Variants in ACAT2 observed in about 807,000 individuals in gnomAD.
ACAT2 encodes acetyl-CoA acetyltransferase, cytosolic.
ACAT2 carries 26 observed loss-of-function variants against 37.1 expected under a neutral mutation model. The ratio of observed to expected loss-of-function variants is 0.70; its 90% CI spans 0.51 to 0.97. The LOEUF (loss-of-function observed/expected upper bound fraction) is 0.97, where lower values mean the gene tolerates loss of function less well. Ranked by LOEUF, ACAT2 falls within the 50% of genes least tolerant of loss-of-function variation. The pLI, the probability that ACAT2 is intolerant of heterozygous loss-of-function variation, is 0.00. For synonymous variants in ACAT2, 156 were observed against 163.6 expected, an observed-to-expected ratio of 0.95 and a Z score of 0.35; for missense variants, 468 against 489.0, an observed-to-expected ratio of 0.96 and a Z score of 0.40.
At chr6:159,767,510 G>A (rs1042902419) in intron 3 of ACAT2, among the ~76,000 whole-genome samples, 1 of 152,152 alleles carries the variant, frequency 6.6e-6, no homozygotes, top group Non-Finnish European at 1.5e-5. Context: ...CCCATTGTGA[G>A]TAAAAGGCAA....
rs776030298 is a variant in ACAT2, at chr6:159,776,219, A to G, written c.704A>G (p.Lys235Arg). 4.3e-6 allele frequency: 7 copies of G among 1,614,170 alleles called. No homozygotes were observed. The highest frequency in any genetic ancestry group is 5.9e-6 in the Non-Finnish European group (7 of 1,180,018). The stretch of plus-strand genomic sequence containing the variant: ...AACATAGAAGCCATGTCCAAGCTAA[A>G]GCCTTACTTTCTTACTGATGGAACG... ...GSNIEAMSKLKPYFLTDGTGT... is the reference protein window; with the variant it reads ...GSNIEAMSKLRPYFLTDGTGT... Residue 235 changes from lysine (K) to arginine (R), a missense_variant, in exon 6 of 9, where the codon AAG becomes AGG. Lys to Arg is a conservative substitution (Grantham distance 26, BLOSUM62 2). Transcript: ENST00000367048.
Position 159,778,203 on chromosome 6 carries a change from G to C in ACAT2, c.946G>C (p.Asp316His). Residue 316 changes from aspartate (D) to histidine (H), a missense_variant, in exon 8 of 9, where the codon GAC (aspartate) becomes CAC (histidine). Asp to His is a moderately conservative substitution (Grantham distance 81). Coordinates refer to ENST00000367048, the MANE Select transcript of ACAT2 (RefSeq NM_005891.3). Reference sequence around the variant, plus strand: ...AGCAGGTTGGTCACTGGAAGATGTTGACATATTTGAAATCAATGAAGCCTT... The same window carrying C: ...AGCAGGTTGGTCACTGGAAGATGTTCACATATTTGAAATCAATGAAGCCTT... ...TKAGWSLEDV[D>H]IFEINEAFAA... 1 of 1,612,576 alleles carries C rather than the reference G, an allele frequency of 6.2e-7. No homozygotes were observed.
chr6:159,778,419 A>G (rs1410299416), intron 8 of ACAT2, 139 bp downstream of exon 8: 1 of 459,910 alleles, frequency 2.2e-6, no homozygotes, highest in Non-Finnish European at 3.5e-6. Flanking sequence ...TTACTTCCCA[A>G]GGTTTAAAAA....
intron 2 of ACAT2, among the ~76,000 whole-genome samples, chr6:159,764,060 C>A (rs1780213518): frequency 6.6e-6 from 1 of 151,912 alleles, no homozygotes; most frequent in Non-Finnish European, 1.5e-5. Flanking sequence ...GAGATTGTGC[C>A]ACTGCACTCC....
rs550322559 is a variant in ACAT2, at chr6:159,762,713, C to T, written c.56-206C>T. 1.1e-5 allele frequency: 17 copies of T among 1,527,196 alleles called. No individual in the cohort carries two copies. In the East Asian group the frequency reaches 4.0e-4, roughly 36 times the overall value. The allele number at this position is 1,527,196 out of a possible 1,614,324, so 94.6% of individuals were successfully genotyped here. On this transcript the variant is annotated intron_variant, in intron 1 of 8. Transcript: ENST00000367048. Reference sequence around the variant, plus strand: ...GGCGTCCCTAGGCCGTTCTGGAGGTCGCCTGTCCAGCCCTCGGCTGCTGCG... The same window carrying T: ...GGCGTCCCTAGGCCGTTCTGGAGGTTGCCTGTCCAGCCCTCGGCTGCTGCG...
intron 4 of ACAT2, among the ~76,000 whole-genome samples, chr6:159,769,098 T>C (rs1227648377): frequency 6.6e-6 from 1 of 152,258 alleles, no homozygotes; most frequent in East Asian, 1.9e-4. Context: ...ATAGACATTT[T>C]AGAGTTAAAG....
chr6:159,778,098 T>C (rs1583134313), intron 7 of ACAT2, 72 bp from the exon 8 acceptor site: 1 of 1,001,660 alleles, frequency 1.0e-6, no homozygotes, highest in Non-Finnish European at 1.5e-6. Flanking sequence ...TATATTTATG[T>C]TGACAAAGAA....
At position 159,762,397 on chromosome 6, in the gene ACAT2, G is replaced by A. The variant is rs1227367920; in HGVS notation, c.55+255G>A. On this transcript the variant is annotated intron_variant, in intron 1 of 8. Coordinates refer to ENST00000367048, the MANE Select transcript of ACAT2 (RefSeq NM_005891.3). The stretch of plus-strand genomic sequence containing the variant: ...TTGGCTCCCGGGGTAGAGCCATCGC[G>A]TGGCCTGCCTCTCCCATTGGTTGGC... The A allele has an allele frequency of 8.7e-6, 12 of 1,378,102 alleles. No individual in the cohort carries two copies. In the East Asian group the frequency reaches 3.3e-4, roughly 38 times the overall value. The allele number at this position is 1,378,102 out of a possible 1,614,324, so 85.4% of individuals were successfully genotyped here. A position where few individuals can be genotyped will look rare whatever the true frequency, so the allele number is the denominator to read the frequency against.
chr6:159,776,278 A>G lies in ACAT2; in HGVS notation c.757+6A>G, dbSNP rs1315236640. On this transcript the variant is annotated splice_donor_region_variant and intron_variant, in intron 6 of 8. Transcript: ENST00000367048. ...CACCCCAGCCAATGCTTCAGGTTAG[A>G]TTTTCTGAAGGACATCTGGGGGAAT... 1.2e-6 allele frequency: 2 copies of G among 1,613,340 alleles called. No individual in the cohort carries two copies. The highest frequency in any genetic ancestry group is 1.7e-4 in the Middle Eastern group (1 of 6,056).
intron 7 of ACAT2, among the ~76,000 whole-genome samples, chr6:159,777,785 A>T (rs1042717297): frequency 3.3e-4 from 50 of 152,208 alleles, no homozygotes; most frequent in African/African-American, 1.2e-3. Flanking sequence ...AGTTCAATTG[A>T]TCCTCTTGCC....
chr6:159,763,132 ACACT>A (rs1780183888), intron 2 of ACAT2, 79 bp downstream of exon 2: 3 of 1,503,966 alleles, frequency 2.0e-6, no homozygotes, highest in Non-Finnish European at 1.8e-6. Context: ...ACACTCTCAC[ACACT>A]CACACACTCT....
In ACAT2 at chr6:159,763,629, C is replaced by CTTTTTTTTT. The variant is rs765044833; in HGVS notation, c.190+596_190+604dup. 1.1e-3 allele frequency among the ~76,000 whole-genome samples: 85 copies of CTTTTTTTTT among 76,410 alleles called. 11 individuals carry two copies. Among genetic ancestry groups the CTTTTTTTTT allele is most frequent in the African/African-American group, 3.5e-3 (62 of 17,890 alleles). 50.1% of individuals were successfully genotyped at this position (76,410 alleles called of 152,430 possible). On this transcript the variant is annotated intron_variant, in intron 2 of 8. Transcript: ENST00000367048. ...ACCACCTACACTGCCTTTTCTTTTC[C>CTTTTTTTTT]TTTTTTTTTTTTTTTTTTTTTTTTT...
Position 159,778,197 on chromosome 6 carries a change from G to A in ACAT2, c.940G>A (p.Asp314Asn), listed in dbSNP as rs369842432. The change falls in exon 8 of 9, where the codon GAT (aspartate) becomes AAT (asparagine). Residue 314 changes from aspartate (D) to asparagine (N), a missense_variant. Physicochemically the swap from Asp to Asn is conservative, Grantham distance 23 (BLOSUM62 1). Transcript: ENST00000367048. ...TACAAAAGCAGGTTGGTCACTGGAA[G>A]ATGTTGACATATTTGAAATCAATGA... ...AVTKAGWSLE[D>N]VDIFEINEAF... 1 of 1,612,622 alleles carries A rather than the reference G, an allele frequency of 6.2e-7. No homozygotes were observed.
chr6:159,767,694 T>C (rs1033863072), intron 3 of ACAT2, among the ~76,000 whole-genome samples: 3 of 152,160 alleles, frequency 2.0e-5, no homozygotes, highest in Non-Finnish European at 4.4e-5. Flanking sequence ...CAAACTGGCA[T>C]AGTGGTTGAA....
chr6:159,767,359 G>C (rs1329354188), intron 3 of ACAT2, among the ~76,000 whole-genome samples, 173 bp downstream of exon 3: 1 of 152,180 alleles, frequency 6.6e-6, no homozygotes, highest in Non-Finnish European at 1.5e-5. Context: ...AGTTTGGGTG[G>C]GAAATCCGGG....
chr6:159,777,865 C>T (rs771907017), intron 7 of ACAT2, among the ~76,000 whole-genome samples: 2 of 152,194 alleles, frequency 1.3e-5, no homozygotes, highest in Non-Finnish European at 2.9e-5. Context: ...ATTTGGATCA[C>T]ATGCTTTCTA....
chr6:159,771,910 C>A (rs1182996280), intron 4 of ACAT2, among the ~76,000 whole-genome samples: 1 of 151,756 alleles, frequency 6.6e-6, no homozygotes, highest in East Asian at 1.9e-4. Flanking sequence ...CATAGTGACA[C>A]AACAACAACA....
intron 1 of ACAT2, 85 bp from the exon 2 acceptor site, chr6:159,762,832 CAG>C: frequency 1.3e-6 from 2 of 1,597,112 alleles, no homozygotes; most frequent in Non-Finnish European, 1.7e-6. Context: ...CCTTGCCAAA[CAG>C]GGTCATGAGG....
chr6:159,776,202 A>C lies in ACAT2; in HGVS notation c.687A>C (p.Glu229Asp). 6.2e-7 allele frequency: 1 copy of C among 1,614,126 alleles called. No individual in the cohort carries two copies. ...TTCCTCGCCATGGGAGCAACATAGA[A>C]GCCATGTCCAAGCTAAAGCCTTACT... ...DEFPRHGSNI[E>D]AMSKLKPYFL... is the part of the protein sequence containing the mutation. The change falls in exon 6 of 9, where the codon GAA becomes GAC. Residue 229 changes from glutamate (E) to aspartate (D), a missense_variant. Transcript: ENST00000367048.
Sources: allele counts gnomAD v4.1 joint callset (sites outside exome capture counted in the v4.1 genomes callset), GRCh38; gene constraint gnomAD v4.1.1; transcripts MANE v1.5; gene names NCBI Gene and HGNC (gene_info 2026-07-23, HGNC 2026-07-21).